The following CNNM4 variants were observed in gnomAD, a reference collection of about 807,000 sequenced individuals.
CNNM4 encodes metal transporter CNNM4.
CNNM4 carries 32 observed loss-of-function variants against 53.7 expected under a neutral mutation model. The ratio of observed to expected loss-of-function variants is 0.60; its 90% CI spans 0.45 to 0.80. The LOEUF (loss-of-function observed/expected upper bound fraction) is 0.80, where lower values mean the gene tolerates loss of function less well. Among genes scored for constraint, CNNM4 ranks in the 30% least tolerant of loss-of-function variants. The pLI, the probability that CNNM4 is intolerant of heterozygous loss-of-function variation, is 0.00. For synonymous variants in CNNM4, 410 were observed against 440.0 expected, an observed-to-expected ratio of 0.93 and a Z score of 0.85; for missense variants, 784 against 1,022.0, an observed-to-expected ratio of 0.77 and a Z score of 3.17.
At position 96,762,340 on chromosome 2, in the gene CNNM4, C is replaced by G. The variant is rs372828975; in HGVS notation, c.1341C>G (p.His447Gln). ...AGACTATCACTCGCTTCTATAACCA[C>G]CCGGTGCACTTTGTCTTCCATGACA... is the stretch of plus-strand genomic sequence containing the variant. The part of the protein sequence containing the change: ...PLKTITRFYN[H>Q]PVHFVFHDTK... Residue 447 changes from histidine (H) to glutamine (Q), a missense_variant, in exon 1 of 7, where the codon CAC becomes CAG. By Grantham distance (24) the His-to-Gln change is conservative (BLOSUM62 0). Transcript: ENST00000377075. 1 of 1,614,184 alleles carries G rather than the reference C, an allele frequency of 6.2e-7. No homozygotes were observed. The highest frequency in any genetic ancestry group is 1.1e-5 in the South Asian group (1 of 91,086).
intron 1 of CNNM4, among the ~76,000 whole-genome samples, chr2:96,796,462 A>C (rs1000044748): frequency 1.3e-5 from 2 of 151,970 alleles, no homozygotes; most frequent in Non-Finnish European, 2.9e-5. Context: ...TTTTTATCCG[A>C]TTTAAACAAG....
intron 1 of CNNM4, among the ~76,000 whole-genome samples, chr2:96,769,985 C>T (rs773571011): frequency 6.6e-6 from 1 of 152,194 alleles, no homozygotes; most frequent in Non-Finnish European, 1.5e-5. Context: ...TCTCACTTTC[C>T]CTTTAGTGCA....
intron 1 of CNNM4, among the ~76,000 whole-genome samples, chr2:96,791,119 C>CAAA (rs796162631): frequency 1.3e-5 from 1 of 74,336 alleles, no homozygotes; most frequent in Non-Finnish European, 2.8e-5. Flanking sequence ...GACTCTGTCT[C>CAAA]AAAAAAAAAA....
chr2:96,763,903 T>C (rs1490018440), intron 1 of CNNM4, among the ~76,000 whole-genome samples: 1 of 150,384 alleles, frequency 6.6e-6, no homozygotes, highest in Non-Finnish European at 1.5e-5. Flanking sequence ...GGGGGCGGCT[T>C]TGGGAGTGCA....
At chr2:96,793,785 G>A (rs1407837902) in intron 1 of CNNM4, among the ~76,000 whole-genome samples, 2 of 152,142 alleles carry the variant, frequency 1.3e-5, no homozygotes, top group Middle Eastern at 3.2e-3. Flanking sequence ...CCAACCTGGC[G>A]AAACCCCGTC....
chr2:96,778,594 T>C (rs1052955173), intron 1 of CNNM4, among the ~76,000 whole-genome samples: 1 of 151,922 alleles, frequency 6.6e-6, no homozygotes, highest in African/African-American at 2.4e-5. Context: ...TATCTTTTTT[T>C]TGTAGCTATT....
Position 96,799,188 on chromosome 2 carries a change from C to T in CNNM4, c.1813C>T (p.Arg605Ter), listed in dbSNP as rs1021713187. Residue 605 changes from arginine (R) to a stop codon, truncating the protein, a stop_gained, in exon 4 of 7, where the codon CGA becomes TGA. Transcript: ENST00000377075. LOFTEE classifies it high-confidence loss of function. ...CTACGCCCGCCATTACCTGTACACC[C>T]GAAATAAGCCGGCCGACTACTTCAT... The part of the protein sequence containing the change: ...KYYARHYLYT[R>*]NKPADYFILI... 12 of 1,614,040 alleles carry T rather than the reference C, an allele frequency of 7.4e-6. No homozygotes were observed. The highest frequency in any genetic ancestry group is 1.3e-5 in the African/African-American group (1 of 74,896).
At chr2:96,806,066 C>T (rs1466727957) in intron 5 of CNNM4, among the ~76,000 whole-genome samples, 6 of 144,428 alleles carry the variant, frequency 4.2e-5, no homozygotes, top group African/African-American at 1.2e-4. Context: ...GGCGGCTGGC[C>T]GGGCAGGGGG....
chr2:96,765,639 G>A (rs1051315310), intron 1 of CNNM4, among the ~76,000 whole-genome samples: 1 of 152,122 alleles, frequency 6.6e-6, no homozygotes, highest in African/African-American at 2.4e-5. Flanking sequence ...TAAGCTCCTT[G>A]AGGGTAGAGG....
At position 96,809,311 on chromosome 2, in the gene CNNM4, C is replaced by G; in HGVS notation, c.2131-9C>G. 1 of 1,614,068 alleles carries G rather than the reference C, an allele frequency of 6.2e-7. No individual in the cohort carries two copies. Among genetic ancestry groups the G allele is most frequent in the Non-Finnish European group, 8.5e-7 (1 of 1,179,990 alleles). On this transcript the variant is annotated splice_polypyrimidine_tract_variant and intron_variant, in intron 6 of 6. Transcript: ENST00000377075. ...CCTCCCTCCATGAACTCATCCCTTC[C>G]TCATGCAGATCACTCGGCAGCAGTA...
In CNNM4 at chr2:96,800,334, C is replaced by T. The variant is rs117370797; in HGVS notation, c.1948+686C>T. 3.3e-5 allele frequency among the ~76,000 whole-genome samples: 5 copies of T among 152,186 alleles called. No homozygotes were observed. The highest frequency in any genetic ancestry group is 4.8e-5 in the African/African-American group (2 of 41,444). On this transcript the variant is annotated intron_variant, in intron 5 of 6. Coordinates refer to ENST00000377075, the MANE Select transcript of CNNM4 (RefSeq NM_020184.4). This position sits in a 1 kb window ranked among gnomAD's most constrained non-coding sequence, Gnocchi z 4.6. ...CATCTCCTCGCTCCTCTCCAGGCTT[C>T]GGTCCTGGGGCGAGGTTGCTGCAGG...
In CNNM4 at chr2:96,797,576, A is replaced by C. The variant is rs1006079657; in HGVS notation, c.1610A>C (p.Asp537Ala). The C allele has an allele frequency of 3.1e-6, 5 of 1,614,088 alleles. No individual in the cohort carries two copies. In the Admixed American group the frequency reaches 8.3e-5, roughly 27 times the overall value. Reference sequence around the variant, plus strand: ...AAGCGTGACTTCTCTGCCTTCAAGGATGCGGACAATGAGCTCAAAGTGAAA... The same window carrying C: ...AAGCGTGACTTCTCTGCCTTCAAGGCTGCGGACAATGAGCTCAAAGTGAAA... ...KNKRDFSAFK[D>A]ADNELKVKIS... Residue 537 changes from aspartate to alanine, a missense_variant, in exon 3 of 7, where the codon GAT becomes GCT. Physicochemically the swap from Asp to Ala is moderately radical, Grantham distance 126. Transcript: ENST00000377075. This position sits in a 1 kb window ranked among gnomAD's most constrained non-coding sequence, Gnocchi z 6.0.
intron 1 of CNNM4, among the ~76,000 whole-genome samples, chr2:96,763,725 G>T (rs1336134201): frequency 6.6e-6 from 1 of 152,210 alleles, no homozygotes; most frequent in East Asian, 1.9e-4. Flanking sequence ...AGGGTGGTGG[G>T]TTGGTACCCT....
rs1370015134 is a variant in CNNM4, at chr2:96,808,143, C to T, written c.1949-418C>T. Among the ~76,000 whole-genome samples the T allele has an allele frequency of 6.6e-6, 1 of 152,130 alleles. No individual in the cohort carries two copies. The highest frequency in any genetic ancestry group is 2.4e-5 in the African/African-American group (1 of 41,414). On this transcript the variant is annotated intron_variant, in intron 5 of 6. Coordinates refer to ENST00000377075, the MANE Select transcript of CNNM4 (RefSeq NM_020184.4). This position sits in a 1 kb window ranked among gnomAD's most constrained non-coding sequence, Gnocchi z 4.9. Reference sequence around the variant, plus strand: ...CCTCAGGTCATCCTCCTGCCTCGGCCTCCCAAAGTGCTGGGATTACAAATG... The same window carrying T: ...CCTCAGGTCATCCTCCTGCCTCGGCTTCCCAAAGTGCTGGGATTACAAATG...
rs2078931743 is a variant in CNNM4, at chr2:96,777,101, A to G, written c.1402+14700A>G. Among the ~76,000 whole-genome samples, 12 of 150,466 alleles carry G rather than the reference A, an allele frequency of 8.0e-5. No homozygotes were observed. In the South Asian group the frequency reaches 2.5e-3, roughly 32 times the overall value. On this transcript the variant is annotated intron_variant, in intron 1 of 6. Transcript: ENST00000377075. Reference sequence around the variant, plus strand: ...AATGGCGCAATCTCAGCTCACTGCAACCCCCGCCTCCTGGGTTCAGGCAAT... The same window carrying G: ...AATGGCGCAATCTCAGCTCACTGCAGCCCCCGCCTCCTGGGTTCAGGCAAT...
rs754940734 is a variant in CNNM4 at position 96,761,725 on chromosome 2, T to G, written c.726T>G (p.Leu242=). ...IEPIRRKGNY[L]LCSLLLGNVL... is the part of the protein sequence containing the mutation. ...CCATCCGGCGCAAGGGCAACTACCT[T>G]CTCTGCTCGTTGCTCCTAGGGAACG... The change falls in exon 1 of 7, where the codon CTT becomes CTG. Residue 242 remains leucine (L), a synonymous_variant. Coordinates refer to ENST00000377075, the MANE Select transcript of CNNM4 (RefSeq NM_020184.4). The surrounding 1 kb of genome is among the most constrained non-coding windows in gnomAD (Gnocchi z 6.0). The G allele has an allele frequency of 1.9e-6, 3 of 1,609,742 alleles. No homozygotes were observed. Among genetic ancestry groups the G allele is most frequent in the Non-Finnish European group, 2.5e-6 (3 of 1,179,970 alleles).
intron 1 of CNNM4, among the ~76,000 whole-genome samples, chr2:96,772,201 C>T (rs1269612566): frequency 6.6e-6 from 1 of 151,736 alleles, no homozygotes; most frequent in Non-Finnish European, 1.5e-5. Context: ...GGCTTACTCC[C>T]ACCTATGCTC....
chr2:96,783,057 TA>T (rs942584425), intron 1 of CNNM4, among the ~76,000 whole-genome samples: 3 of 151,550 alleles, frequency 2.0e-5, no homozygotes, highest in African/African-American at 4.8e-5. Context: ...AAATTATAAA[TA>T]AAAAAAAATT....
At chr2:96,766,179 A>G (rs2078817789) in intron 1 of CNNM4, among the ~76,000 whole-genome samples, 1 of 146,084 alleles carries the variant, frequency 6.8e-6, no homozygotes, top group African/African-American at 2.6e-5. Flanking sequence ...GGTTCAAGCT[A>G]TTCTTGTGCC....
Sources: gnomAD v4.1 joint callset for allele counts (sites outside exome capture counted in the v4.1 genomes callset) on GRCh38, gnomAD v4.1.1 for gene constraint, Gnocchi (gnomAD v3.1) non-coding constraint, MANE v1.5 for transcripts, NCBI Gene and HGNC (gene_info 2026-07-23, HGNC 2026-07-21) for gene names.